The following CEP44 variants were observed in gnomAD, a reference collection of about 807,000 sequenced individuals.
CEP44 encodes the protein centrosomal protein 44.
In CEP44, 45 loss-of-function variants were observed where a neutral mutation model predicts 46.7. The ratio of observed to expected loss-of-function variants is 0.96; its 90% CI spans 0.76 to 1.24. The LOEUF is 1.24. Among genes scored for constraint, CEP44 ranks in the 50% most tolerant of loss-of-function variants. The pLI, the probability that CEP44 is intolerant of heterozygous loss-of-function variation, is 0.00. For synonymous variants in CEP44, 142 were observed against 146.0 expected, an observed-to-expected ratio of 0.97 and a Z score of 0.20; for missense variants, 475 against 459.7, an observed-to-expected ratio of 1.03 and a Z score of -0.30.
chr4:174,303,160 T>G (rs1739945142), intron 4 of CEP44, among the ~76,000 whole-genome samples: 1 of 152,158 alleles, frequency 6.6e-6, no homozygotes. Flanking sequence ...AATCTTTCTC[T>G]TTCTTGCTTT....
Position 174,287,356 on chromosome 4 carries a change from T to C in CEP44, c.-148+3413T>C, listed in dbSNP as rs1737683779. Among the ~76,000 whole-genome samples the C allele has an allele frequency of 6.6e-6, 1 of 152,122 alleles. No individual in the cohort carries two copies. ...AGAGAAAATTAATGAGGGGGATTAATTAGTTTGGGATCTAAGACTTATTTG... is the reference window on the plus strand; with the variant it reads ...AGAGAAAATTAATGAGGGGGATTAACTAGTTTGGGATCTAAGACTTATTTG... On this transcript the variant is annotated intron_variant, in intron 1 of 11. Coordinates refer to ENST00000503780, the MANE Select transcript of CEP44 (RefSeq NM_001040157.3). The surrounding 1 kb of genome is among the most constrained non-coding windows in gnomAD (Gnocchi z 5.1).
At position 174,295,229 on chromosome 4, in the gene CEP44, A is replaced by T. The variant is rs1738822423; in HGVS notation, c.-147-2737A>T. 2.0e-5 allele frequency among the ~76,000 whole-genome samples: 3 copies of T among 147,666 alleles called. No individual in the cohort carries two copies. In the South Asian group the frequency reaches 6.6e-4, roughly 32 times the overall value. On this transcript the variant is annotated intron_variant, in intron 1 of 11. Coordinates refer to ENST00000503780, the MANE Select transcript of CEP44 (RefSeq NM_001040157.3). ...GGCGGAGGGGCTCCTCACTTCTCAT[A>T]TGGGGCGGTTGCCAGGCGGAGGGTC...
intron 1 of CEP44, among the ~76,000 whole-genome samples, chr4:174,285,171 A>G (rs1222191041): frequency 6.6e-6 from 1 of 152,088 alleles, no homozygotes; most frequent in African/African-American, 2.4e-5. Context: ...TTTTTTCCTT[A>G]GTTTGCCTTT....
intron 3 of CEP44, among the ~76,000 whole-genome samples, chr4:174,300,198 A>C (rs1321395224): frequency 2.6e-5 from 4 of 152,318 alleles, no homozygotes; most frequent in Admixed American, 2.0e-4. Flanking sequence ...TGGATATTCT[A>C]ATAACTCTTG....
rs1227986413 is a variant in CEP44 at position 174,297,802 on chromosome 4, C to G, written c.-147-164C>G. ...TTTCTTTGGAGTGTAAAGCTCTTTT[C>G]TCTTTCCAGGGAAGGTGAGAGGTAG... On this transcript the variant is annotated intron_variant, in intron 1 of 11. Coordinates refer to ENST00000503780, the MANE Select transcript of CEP44 (RefSeq NM_001040157.3). The surrounding 1 kb of genome is among the most constrained non-coding windows in gnomAD (Gnocchi z 4.3). Among the ~76,000 whole-genome samples, 1 of 152,148 alleles carries G rather than the reference C, an allele frequency of 6.6e-6. No individual in the cohort carries two copies. Among genetic ancestry groups the G allele is most frequent in the Non-Finnish European group, 1.5e-5 (1 of 68,022 alleles).
intron 4 of CEP44, among the ~76,000 whole-genome samples, chr4:174,302,407 TTTG>T (rs763948839): frequency 5.3e-5 from 8 of 152,152 alleles, no homozygotes; most frequent in Admixed American, 3.3e-4. Flanking sequence ...CTGGTAAATA[TTTG>T]TTGTTGGCTA....
At chr4:174,327,511 AG>A (rs1742759128) in intron 8 of CEP44, among the ~76,000 whole-genome samples, 1 of 152,074 alleles carries the variant, frequency 6.6e-6, no homozygotes, top group Non-Finnish European at 1.5e-5. Context: ...GAAGAAAAAC[AG>A]GGTGGGGGAT....
In CEP44 at chr4:174,309,899, AAT is replaced by A; in HGVS notation, c.729_730del (p.Cys244ProfsTer5). 1 of 1,612,338 alleles carries A rather than the reference AAT, an allele frequency of 6.2e-7. No homozygotes were observed. Among genetic ancestry groups the A allele is most frequent in the Non-Finnish European group, 8.5e-7 (1 of 1,178,908 alleles). ...ACTGCACTACAAACTATGCTTGCTG[AAT>A]GCCAAGAAAATCTTAAGAAACTGAC... is the stretch of plus-strand genomic sequence containing the variant. On this transcript the variant is annotated frameshift_variant, in exon 8 of 12. Transcript: ENST00000503780. LOFTEE classifies it high-confidence loss of function. The surrounding 1 kb of genome is among the most constrained non-coding windows in gnomAD (Gnocchi z 5.3).
At position 174,308,696 on chromosome 4, in the gene CEP44, CTG is replaced by C; in HGVS notation, c.518_519del (p.Val173GlyfsTer7). ...ATATTTTTCTCTATGCAGAAGAAAGCTGTGGTGATTCGTCACTTGTATAATGA... is the reference window on the plus strand; with the variant it reads ...ATATTTTTCTCTATGCAGAAGAAAGCTGGTGATTCGTCACTTGTATAATGA... On this transcript the variant is annotated frameshift_variant, in exon 7 of 12. Transcript: ENST00000503780. LOFTEE classifies it high-confidence loss of function. 1 of 1,601,716 alleles carries C rather than the reference CTG, an allele frequency of 6.2e-7. No individual in the cohort carries two copies. Among genetic ancestry groups the C allele is most frequent in the Non-Finnish European group, 8.5e-7 (1 of 1,171,948 alleles).
Position 174,291,437 on chromosome 4 carries a change from T to C in CEP44, c.-147-6529T>C, listed in dbSNP as rs1391659072. 2.0e-5 allele frequency among the ~76,000 whole-genome samples: 3 copies of C among 152,182 alleles called. No homozygotes were observed. In the East Asian group the frequency reaches 5.8e-4, roughly 29 times the overall value. On this transcript the variant is annotated intron_variant, in intron 1 of 11. Coordinates refer to ENST00000503780, the MANE Select transcript of CEP44 (RefSeq NM_001040157.3). The stretch of plus-strand genomic sequence containing the variant: ...CCCTCTTCCTCACCAATGTATGTAA[T>C]TGATTTCAGATTTTACTTCTTTCTA...
intron 5 of CEP44, 151 bp downstream of exon 5, chr4:174,304,000 T>C: frequency 1.4e-6 from 1 of 727,062 alleles, no homozygotes; most frequent in East Asian, 2.9e-5. Context: ...TAAAGCTTGT[T>C]GTTTATTTTA....
chr4:174,292,876 C>G (rs1006203529), intron 1 of CEP44, among the ~76,000 whole-genome samples: 7 of 152,184 alleles, frequency 4.6e-5, no homozygotes, highest in Admixed American at 1.3e-4. Flanking sequence ...GATCATGGAT[C>G]TTCATCTTGT....
rs1361351560 is a variant in CEP44, at chr4:174,317,812, C to G, written c.*429C>G. 3.0e-6 allele frequency: 3 copies of G among 985,838 alleles called. No homozygotes were observed. Among genetic ancestry groups the G allele is most frequent in the African/African-American group, 1.7e-5 (1 of 57,170 alleles). 61.1% of individuals were successfully genotyped at this position (985,838 alleles called of 1,614,324 possible). A position where few individuals can be genotyped will look rare whatever the true frequency, so the allele number is the denominator to read the frequency against. On this transcript the variant is annotated 3_prime_UTR_variant, in exon 12 of 12. Transcript: ENST00000503780. ...CATATATACCATCTTGGCATCTGTA[C>G]TGATGAATAAGTTATAATGAACAGT...
Position 174,316,545 on chromosome 4 carries a change from A to C in CEP44, c.1102A>C (p.Lys368Gln). The C allele has an allele frequency of 1.3e-6, 2 of 1,589,728 alleles. No homozygotes were observed. Among genetic ancestry groups the C allele is most frequent in the Non-Finnish European group, 1.7e-6 (2 of 1,166,898 alleles). The change falls in exon 11 of 12, where the codon AAA becomes CAA. Residue 368 changes from lysine (K) to glutamine (Q), a missense_variant. By Grantham distance (53) the Lys-to-Gln change is moderately conservative. Coordinates refer to ENST00000503780, the MANE Select transcript of CEP44 (RefSeq NM_001040157.3). ...NEISEETTIQ[K>Q]MERMKKMFEE... ...TAAATTAAAGGAAACAACAATCCAG[A>C]AAATGGAAAGGATGAAAAAAATGTA...
chr4:174,313,395 AG>A (rs35117379), intron 9 of CEP44, among the ~76,000 whole-genome samples: 26,411 of 149,498 alleles, frequency 0.18, 2,837 homozygotes, highest in East Asian at 0.58. Flanking sequence ...AAAAAAAAAA[AG>A]GTGTGCTACC....
rs1560907573 is a variant in CEP44, at chr4:174,308,870, T to C, written c.678+11T>C. On this transcript the variant is annotated intron_variant, in intron 7 of 11. Transcript: ENST00000503780. ...AAGGCTGAGCAACAGGTAACAACTT[T>C]GGACTTTTTAAATAGATGCCAGTAT... The C allele has an allele frequency of 1.2e-6, 2 of 1,609,306 alleles. No individual in the cohort carries two copies. Among genetic ancestry groups the C allele is most frequent in the African/African-American group, 2.7e-5 (2 of 74,572 alleles).
At chr4:174,295,191 G>A (rs1341925784) in intron 1 of CEP44, among the ~76,000 whole-genome samples, 1 of 151,102 alleles carries the variant, frequency 6.6e-6, no homozygotes, top group African/African-American at 2.4e-5. Flanking sequence ...CTTCCCAGAC[G>A]GGGTGGCTGC....
chr4:174,316,217 A>C lies in CEP44; in HGVS notation c.1013A>C (p.Tyr338Ser), dbSNP rs1560916094. The change falls in exon 10 of 12, where the codon TAT (tyrosine) becomes TCT (serine). Residue 338 changes from tyrosine to serine, a missense_variant. Tyr to Ser is a moderately radical substitution (Grantham distance 144, BLOSUM62 -2). Transcript: ENST00000503780. ...RPASIPLSSG[Y>S]STASSDSTPR... ...GCAAGTATTCCTCTGTCCTCTGGCT[A>C]TAGTACAGCATCATCAGATTCAACT... The C allele has an allele frequency of 6.2e-7, 1 of 1,613,828 alleles. No individual in the cohort carries two copies. Among genetic ancestry groups the C allele is most frequent in the Non-Finnish European group, 8.5e-7 (1 of 1,179,770 alleles).
In CEP44 at chr4:174,286,151, A is replaced by C. The variant is rs540871882; in HGVS notation, c.-148+2208A>C. Among the ~76,000 whole-genome samples the C allele has an allele frequency of 2.0e-5, 3 of 152,378 alleles. No individual in the cohort carries two copies. In the East Asian group the frequency reaches 5.8e-4, roughly 29 times the overall value. ...GCCTACCATGTTGATAAAGGAGACT[A>C]GGAACAGAAAGGTAGGTTCATAAAG... On this transcript the variant is annotated intron_variant, in intron 1 of 11. Transcript: ENST00000503780. The surrounding 1 kb of genome is among the most constrained non-coding windows in gnomAD (Gnocchi z 5.2).
Sources: gnomAD v4.1 joint callset for allele counts (sites outside exome capture counted in the v4.1 genomes callset) on GRCh38, gnomAD v4.1.1 for gene constraint, Gnocchi (gnomAD v3.1) non-coding constraint, MANE v1.5 for transcripts, NCBI Gene and HGNC (gene_info 2026-07-23, HGNC 2026-07-21) for gene names.